The following CCBE1 variants were observed in gnomAD, a reference collection of about 807,000 sequenced individuals.
The protein encoded by CCBE1 is collagen and calcium binding EGF domains 1, also known as collagen and calcium-binding EGF domain-containing protein 1.
CCBE1 carries 37 observed loss-of-function variants against 50.0 expected under a neutral mutation model. The ratio of observed to expected loss-of-function variants is 0.74; its 90% CI spans 0.57 to 0.97. The LOEUF (loss-of-function observed/expected upper bound fraction) is 0.97. Among genes scored for constraint, CCBE1 ranks in the 50% least tolerant of loss-of-function variants. CCBE1 has a pLI of 0.00. For synonymous variants in CCBE1, 234 were observed against 203.7 expected (o/e 1.15, Z -1.27); for missense variants, 538 against 523.8 (o/e 1.03, Z -0.26).
intron 2 of CCBE1, among the ~76,000 whole-genome samples, chr18:59,674,252 A>T (rs527383012): frequency 6.6e-6 from 1 of 152,344 alleles, no homozygotes; most frequent in South Asian, 2.1e-4. Flanking sequence ...CAGACTGGAT[A>T]AAGAAAAATG....
intron 2 of CCBE1, among the ~76,000 whole-genome samples, chr18:59,511,557 A>G (rs563323322): frequency 8.5e-5 from 13 of 152,260 alleles, no homozygotes. Context: ...TGTAAAGATT[A>G]AATCTGGGTA....
chr18:59,613,886 T>TTG (rs1491113640), intron 2 of CCBE1, among the ~76,000 whole-genome samples: 2 of 135,868 alleles, frequency 1.5e-5, no homozygotes, highest in African/African-American at 6.4e-5. Flanking sequence ...TTTTTTTTTT[T>TTG]GGCAGGGGGA....
chr18:59,674,730 C>G lies in CCBE1; in HGVS notation c.212+21899G>C, dbSNP rs939684904. ...ACAGGATCCAGGAAAATTTAGCAAGCACAATCTCTTCTGCTATTACACAAT... is the reference window on the plus strand; with the variant it reads ...ACAGGATCCAGGAAAATTTAGCAAGGACAATCTCTTCTGCTATTACACAAT... On this transcript the variant is annotated intron_variant, in intron 2 of 10. Coordinates refer to ENST00000439986, the MANE Select transcript of CCBE1 (RefSeq NM_133459.4). 1.7e-4 allele frequency among the ~76,000 whole-genome samples: 26 copies of G among 152,152 alleles called. 1 individual carries two copies. The highest frequency in any genetic ancestry group is 6.0e-4 in the African/African-American group (25 of 41,442).
intron 2 of CCBE1, among the ~76,000 whole-genome samples, chr18:59,591,282 A>AAAAAAAAAAAAAAC: frequency 3.3e-5 from 1 of 30,672 alleles, no homozygotes; most frequent in Non-Finnish European, 5.1e-5. Context: ...AAAAAAAAAA[A>AAAAAAAAAAAAAAC]AAAAAAAGCT....
At chr18:59,563,743 T>A (rs2052776988) in intron 2 of CCBE1, 1 of 152,278 alleles carries the variant, frequency 6.6e-6, no homozygotes, top group Middle Eastern at 3.4e-3. Context: ...GAACTTAGGA[T>A]TTACAAGTCA....
chr18:59,688,759 C>T (rs907443054), intron 2 of CCBE1, among the ~76,000 whole-genome samples: 16 of 152,132 alleles, frequency 1.1e-4, no homozygotes, highest in South Asian at 2.1e-4. Flanking sequence ...AACTATGATT[C>T]CTGGAGATCA....
At chr18:59,613,120 G>T (rs2053594736) in intron 2 of CCBE1, among the ~76,000 whole-genome samples, 1 of 151,956 alleles carries the variant, frequency 6.6e-6, no homozygotes, top group Non-Finnish European at 1.5e-5. Flanking sequence ...CTTATCGGAA[G>T]TAACTGGATT....
chr18:59,563,972 A>G (rs945615685), intron 2 of CCBE1: 3 of 152,212 alleles, frequency 2.0e-5, no homozygotes, highest in Non-Finnish European at 4.4e-5. Context: ...GAGAATAACC[A>G]TCTGGAGTGA....
chr18:59,560,817 G>A (rs3133209), intron 2 of CCBE1, among the ~76,000 whole-genome samples: 7,149 of 152,194 alleles, frequency 0.047, 561 homozygotes, highest in African/African-American at 0.16. Flanking sequence ...ACGACTCCCC[G>A]GACAGGGACG....
chr18:59,673,006 TAAAA>T (rs145844496), intron 2 of CCBE1, among the ~76,000 whole-genome samples: 53 of 149,662 alleles, frequency 3.5e-4, no homozygotes, highest in African/African-American at 1.1e-3. Flanking sequence ...CCTATGGAAA[TAAAA>T]AAAAAATTTA....
chr18:59,654,163 A>G (rs2054158487), intron 2 of CCBE1, among the ~76,000 whole-genome samples: 1 of 152,234 alleles, frequency 6.6e-6, no homozygotes, highest in Admixed American at 6.5e-5. Flanking sequence ...ACCATTGCCT[A>G]TCCAGGACTT....
intron 2 of CCBE1, among the ~76,000 whole-genome samples, chr18:59,619,303 ATCAT>A (rs2053680871): frequency 6.6e-6 from 1 of 152,170 alleles, no homozygotes; most frequent in South Asian, 2.1e-4. Flanking sequence ...GTATTTATTT[ATCAT>A]TATTATTTTG....
In CCBE1 at chr18:59,454,838, C is replaced by G. The variant is rs769543293; in HGVS notation, c.654+13G>C. 5.4e-5 allele frequency: 87 copies of G among 1,610,988 alleles called. 1 individual carries two copies. The highest frequency in any genetic ancestry group is 3.3e-4 in the African/African-American group (25 of 75,000). On this transcript the variant is annotated intron_variant, in intron 6 of 10. Transcript: ENST00000439986. ...CCATCAGGCATCATCGTTCCCACCC[C>G]AGCGGCACGTACCTTTTGCTTCAGC...
At chr18:59,508,657 A>G (rs1032668547) in intron 2 of CCBE1, among the ~76,000 whole-genome samples, 2 of 151,730 alleles carry the variant, frequency 1.3e-5, no homozygotes, top group Admixed American at 6.6e-5. Flanking sequence ...TTGTAAAAGC[A>G]TGAAGAGATA....
At chr18:59,666,946 C>A (rs1468937829) in intron 2 of CCBE1, among the ~76,000 whole-genome samples, 1 of 152,114 alleles carries the variant, frequency 6.6e-6, no homozygotes, top group Non-Finnish European at 1.5e-5. Context: ...GCCTGGGCAA[C>A]AGAGCAAGAC....
chr18:59,438,525 C>T (rs1910263506), intron 9 of CCBE1, among the ~76,000 whole-genome samples: 1 of 152,220 alleles, frequency 6.6e-6, no homozygotes, highest in Admixed American at 6.5e-5. Flanking sequence ...GGAGCATCTC[C>T]TGTTCCTGAG....
At chr18:59,553,630 G>C (rs1289942547) in intron 2 of CCBE1, among the ~76,000 whole-genome samples, 1 of 152,204 alleles carries the variant, frequency 6.6e-6, no homozygotes, top group Non-Finnish European at 1.5e-5. Context: ...ACATGATCCA[G>C]ACCAGTCGCA....
intron 2 of CCBE1, among the ~76,000 whole-genome samples, chr18:59,505,231 C>T (rs1004021185): frequency 1.3e-5 from 2 of 152,198 alleles, no homozygotes; most frequent in African/African-American, 4.8e-5. Flanking sequence ...AAAACAGTGA[C>T]TACTGTGTTC....
intron 2 of CCBE1, among the ~76,000 whole-genome samples, chr18:59,686,461 G>A (rs1025534014): frequency 3.3e-5 from 5 of 152,198 alleles, no homozygotes; most frequent in African/African-American, 4.8e-5. Flanking sequence ...ATGCACCTGC[G>A]TGTGACCTTG....
Sources: gnomAD v4.1 joint callset for allele counts (sites outside exome capture counted in the v4.1 genomes callset) on GRCh38, gnomAD v4.1.1 for gene constraint, MANE v1.5 for transcripts, NCBI Gene and HGNC (gene_info 2026-07-23, HGNC 2026-07-21) for gene names.